Variants in PPFIA2 observed in about 807,000 individuals in gnomAD.
The protein encoded by PPFIA2 is PPFI scaffold protein A2.
PPFIA2 carries 46 observed loss-of-function variants against 175.5 expected under a neutral mutation model. That is an observed-to-expected ratio of 0.26 (90% CI 0.21 to 0.34). PPFIA2 has a LOEUF of 0.34. Among genes scored for constraint, PPFIA2 ranks in the 10% least tolerant of loss-of-function variants. The pLI is 1.00. For synonymous variants in PPFIA2, 568 were observed against 511.4 expected, an observed-to-expected ratio of 1.11 and a Z score of -1.49; for missense variants, 1,179 against 1,506.1, an observed-to-expected ratio of 0.78 and a Z score of 3.60.
intron 3 of PPFIA2, among the ~76,000 whole-genome samples, chr12:81,682,951 C>T (rs967190472): frequency 2.0e-5 from 3 of 152,116 alleles, no homozygotes; most frequent in Admixed American, 6.6e-5. Flanking sequence ...TATTTTCACC[C>T]GCTACATGAT....
chr12:81,719,423 C>A (rs970123458), intron 3 of PPFIA2, among the ~76,000 whole-genome samples: 6 of 151,504 alleles, frequency 4.0e-5, no homozygotes, highest in Non-Finnish European at 5.9e-5. Flanking sequence ...CTTAATTCTG[C>A]TTCCTGATTC....
chr12:81,272,015 G>A (rs912833210), intron 28 of PPFIA2, among the ~76,000 whole-genome samples: 17 of 151,970 alleles, frequency 1.1e-4, no homozygotes, highest in African/African-American at 3.9e-4. Flanking sequence ...AAGTAAGTTA[G>A]TTTGATTCAG....
At chr12:81,701,915 T>TAA (rs748051152) in intron 3 of PPFIA2, among the ~76,000 whole-genome samples, 1,088 of 84,162 alleles carry the variant, frequency 0.013, 21 homozygotes, top group African/African-American at 0.034. Flanking sequence ...ATGGGAAGAC[T>TAA]AAAAAAAAAA....
intron 4 of PPFIA2, among the ~76,000 whole-genome samples, chr12:81,640,023 A>G (rs543134490): frequency 6.6e-6 from 1 of 152,306 alleles, no homozygotes; most frequent in African/African-American, 2.4e-5. Context: ...ACTTATGAGG[A>G]AGGAGTGTTA....
intron 7 of PPFIA2, among the ~76,000 whole-genome samples, chr12:81,408,275 CAT>C (rs2043282820): frequency 1.3e-5 from 2 of 152,228 alleles, no homozygotes; most frequent in African/African-American, 2.4e-5. Flanking sequence ...ACAATTGATA[CAT>C]GAGATTTTAT....
chr12:81,384,243 C>T lies in PPFIA2; in HGVS notation c.764G>A (p.Arg255His), dbSNP rs4842390. ...TGAGTCTATAGAACCATTGGACAAACGCTGCAGAAATAGAAAAAGAAATGG... is the reference window on the plus strand; with the variant it reads ...TGAGTCTATAGAACCATTGGACAAATGCTGCAGAAATAGAAAAAGAAATGG... ...MEPGQKVHEK[R>H]LSNGSIDSTD... Residue 255 changes from arginine to histidine, a missense_variant and splice_region_variant, in exon 9 of 33, where the codon CGT (arginine) becomes CAT (histidine). Arg to His is a conservative substitution (Grantham distance 29, BLOSUM62 0). This residue lies in a region of PPFIA2 where 226 missense variants were observed against 216.6 expected (regional missense o/e 1.04). Transcript: ENST00000549396. 130 of 1,512,122 alleles carry T rather than the reference C, an allele frequency of 8.6e-5. No homozygotes were observed. The African/African-American group carries it at 1.1e-3, about 13-fold the overall frequency. The allele number at this position is 1,512,122 out of a possible 1,614,324, so 93.7% of individuals were successfully genotyped here.
chr12:81,288,580 G>C (rs1221131974), intron 24 of PPFIA2, among the ~76,000 whole-genome samples: 1 of 151,718 alleles, frequency 6.6e-6, no homozygotes, highest in African/African-American at 2.4e-5. Flanking sequence ...GAGTAGTCTT[G>C]CTGTCAGAGA....
At chr12:81,394,221 CTT>C (rs1443183433) in intron 8 of PPFIA2, among the ~76,000 whole-genome samples, 1 of 151,872 alleles carries the variant, frequency 6.6e-6, no homozygotes, top group African/African-American at 2.4e-5. Context: ...TTTTAGATAA[CTT>C]AGGCAGAACA....
intron 11 of PPFIA2, 131 bp downstream of exon 11, chr12:81,374,500 TTAA>T: frequency 2.1e-6 from 2 of 971,770 alleles, no homozygotes; most frequent in Non-Finnish European, 2.8e-6. Flanking sequence ...AAAAATTGAC[TTAA>T]TAACAGCTCA....
At chr12:81,494,500 T>G (rs1414037401) in intron 4 of PPFIA2, among the ~76,000 whole-genome samples, 2 of 152,002 alleles carry the variant, frequency 1.3e-5, no homozygotes, top group African/African-American at 4.8e-5. Flanking sequence ...TTGGTGGGAC[T>G]GTAAACTAGT....
chr12:81,467,058 C>T (rs2055795013), intron 4 of PPFIA2, among the ~76,000 whole-genome samples: 1 of 151,210 alleles, frequency 6.6e-6, no homozygotes, highest in African/African-American at 2.4e-5. Context: ...TTGGAAGGCA[C>T]TAATACTGAA....
intron 7 of PPFIA2, among the ~76,000 whole-genome samples, chr12:81,424,439 A>T (rs1404115001): frequency 6.6e-6 from 1 of 152,128 alleles, no homozygotes; most frequent in African/African-American, 2.4e-5. Flanking sequence ...CTTTTCACTA[A>T]TGCTTTCTAT....
intron 8 of PPFIA2, among the ~76,000 whole-genome samples, chr12:81,401,324 T>C (rs2042062357): frequency 6.6e-6 from 1 of 152,190 alleles, no homozygotes; most frequent in African/African-American, 2.4e-5. Flanking sequence ...ATTCATTGAA[T>C]ATAGTGTTTC....
intron 4 of PPFIA2, among the ~76,000 whole-genome samples, chr12:81,597,500 G>T (rs2059371967): frequency 6.6e-6 from 1 of 151,976 alleles, no homozygotes; most frequent in Admixed American, 6.6e-5. Context: ...TAAATAATGG[G>T]AATTATGTTA....
At chr12:81,422,883 T>G (rs2046531134) in intron 7 of PPFIA2, among the ~76,000 whole-genome samples, 1 of 152,072 alleles carries the variant, frequency 6.6e-6, no homozygotes, top group Admixed American at 6.6e-5. Flanking sequence ...AAGCCATAGC[T>G]TTCTGCCCCT....
intron 4 of PPFIA2, among the ~76,000 whole-genome samples, chr12:81,660,783 A>C (rs536649736): frequency 2.0e-5 from 3 of 152,346 alleles, no homozygotes; most frequent in East Asian, 1.9e-4. Flanking sequence ...AAAAATGTTA[A>C]GTGCAGCCAG....
chr12:81,293,947 C>T (rs1333482348), intron 24 of PPFIA2, among the ~76,000 whole-genome samples: 1 of 152,078 alleles, frequency 6.6e-6, no homozygotes, highest in Non-Finnish European at 1.5e-5. Flanking sequence ...CCATGGAATA[C>T]TATGCAGTCA....
chr12:81,709,239 C>T (rs1221292063), intron 3 of PPFIA2, among the ~76,000 whole-genome samples: 1 of 152,090 alleles, frequency 6.6e-6, no homozygotes, highest in Non-Finnish European at 1.5e-5. Flanking sequence ...TAAATGGCTC[C>T]TTTTCATTTA....
chr12:81,615,534 TA>T, intron 4 of PPFIA2, among the ~76,000 whole-genome samples: 1 of 152,248 alleles, frequency 6.6e-6, no homozygotes, highest in East Asian at 1.9e-4. Context: ...GAGCAATTGC[TA>T]ACATTGGAGG....
Sources: gnomAD v4.1 joint callset for allele counts (sites outside exome capture counted in the v4.1 genomes callset) on GRCh38, gnomAD v4.1.1 for gene constraint, gnomAD v4.1.1 regional missense constraint, MANE v1.5 for transcripts, NCBI Gene and HGNC (gene_info 2026-07-23, HGNC 2026-07-21) for gene names.